The following TTC13 variants were observed in gnomAD, a reference collection of about 807,000 sequenced individuals.
TTC13 encodes tetratricopeptide repeat domain 13, also known as tetratricopeptide repeat protein 13.
In TTC13, 62 loss-of-function variants were observed where a neutral mutation model predicts 120.0. That is an observed-to-expected ratio of 0.52 (90% CI 0.42 to 0.64). TTC13 has a LOEUF of 0.64. Among genes scored for constraint, TTC13 ranks in the 30% least tolerant of loss-of-function variants. TTC13 has a pLI of 0.00. For missense variants in TTC13, 824 were observed against 1,050.2 expected (o/e 0.78, Z 2.98); for synonymous variants, 384 against 393.5 (o/e 0.98, Z 0.28).
At chr1:230,932,141 T>G (rs1194156032) in intron 9 of TTC13, among the ~76,000 whole-genome samples, 1 of 152,094 alleles carries the variant, frequency 6.6e-6, no homozygotes, top group African/African-American at 2.4e-5. Flanking sequence ...TTCAAACCCC[T>G]CTCCTTGATT....
rs1674414318 is a variant in TTC13 at position 230,940,199 on chromosome 1, T to G, written c.789+241A>C. 6.6e-6 allele frequency among the ~76,000 whole-genome samples: 1 copy of G among 152,224 alleles called. No individual in the cohort carries two copies. Among genetic ancestry groups the G allele is most frequent in the South Asian group, 2.1e-4 (1 of 4,834 alleles). ...AAACTAAATTTATCTTTCTCTCTCT[T>G]TTTTTAAATGCCAGTCCAGAATTAG... is the stretch of plus-strand genomic sequence containing the variant. On this transcript the variant is annotated intron_variant, in intron 7 of 22. Coordinates refer to ENST00000366661, the MANE Select transcript of TTC13 (RefSeq NM_024525.5). This position sits in a 1 kb window ranked among gnomAD's most constrained non-coding sequence, Gnocchi z 4.1.
At position 230,931,792 on chromosome 1, in the gene TTC13, G is replaced by A. The variant is rs145064328; in HGVS notation, c.1069C>T (p.Arg357Trp). 8 of 1,613,994 alleles carry A rather than the reference G, an allele frequency of 5.0e-6. No homozygotes were observed. Among genetic ancestry groups the A allele is most frequent in the Admixed American group, 1.7e-5 (1 of 59,988 alleles). Residue 357 changes from arginine (R) to tryptophan (W), a missense_variant, in exon 10 of 23, where the codon CGG (arginine) becomes TGG (tryptophan). By Grantham distance (101) the Arg-to-Trp change is moderately radical. This residue lies in a region of TTC13 where 430 missense variants were observed against 626.8 expected (regional missense o/e 0.69). Coordinates refer to ENST00000366661, the MANE Select transcript of TTC13 (RefSeq NM_024525.5). ...NQNHVQTLQL[R>W]GMMLYHHGSL... is the part of the protein sequence containing the mutation. ...CCGTGGTGGTAGAGCATCATTCCCC[G>A]GAGCTGGAGGGTTTGCACATGATTT... is the stretch of plus-strand genomic sequence containing the variant.
At chr1:230,969,905 C>G (rs1315532440) in intron 1 of TTC13, among the ~76,000 whole-genome samples, 2 of 152,200 alleles carry the variant, frequency 1.3e-5, no homozygotes, top group Non-Finnish European at 2.9e-5. Flanking sequence ...ATTTTTCTAT[C>G]TGCTTTCTTT....
At chr1:230,908,301 C>T in intron 22 of TTC13, 1 of 410,804 alleles carries the variant, frequency 2.4e-6, no homozygotes, top group Admixed American at 2.7e-5. Context: ...GATCCTCTCG[C>T]TTCAGCCTCC....
At chr1:230,929,163 T>C in intron 11 of TTC13, 70 bp from the exon 12 acceptor site, 5 of 1,463,412 alleles carry the variant, frequency 3.4e-6, no homozygotes, top group East Asian at 2.3e-5. Context: ...CTAGCTGCCA[T>C]ACAAATACTT....
At chr1:230,910,031 C>A (rs1671348042) in intron 20 of TTC13, among the ~76,000 whole-genome samples, 2 of 152,080 alleles carry the variant, frequency 1.3e-5, no homozygotes. Flanking sequence ...GTGCTTTTCC[C>A]AAAACAAATC....
At chr1:230,951,262 A>C (rs1024745010) in intron 4 of TTC13, among the ~76,000 whole-genome samples, 7 of 152,200 alleles carry the variant, frequency 4.6e-5, no homozygotes, top group Non-Finnish European at 7.4e-5. Context: ...GAGCTTATCA[A>C]AACAGTGATT....
chr1:230,912,877 G>C, intron 18 of TTC13, 119 bp from the exon 19 acceptor site: 2 of 862,142 alleles, frequency 2.3e-6, no homozygotes, highest in Non-Finnish European at 3.5e-6. Context: ...ATACAAGAAT[G>C]TACCTTACCT....
chr1:230,939,604 C>T (rs572202352), intron 7 of TTC13, 108 bp from the exon 8 acceptor site: 7 of 620,406 alleles, frequency 1.1e-5, no homozygotes, highest in Middle Eastern at 3.5e-4. Context: ...ATCCTCTGCC[C>T]TTTTTGGCTT....
chr1:230,915,416 A>T (rs116546866), intron 18 of TTC13, among the ~76,000 whole-genome samples: 2,189 of 152,224 alleles, frequency 0.014, 47 homozygotes, highest in African/African-American at 0.049. Flanking sequence ...AGGAATATGG[A>T]GGCTGACAGA....
intron 15 of TTC13, among the ~76,000 whole-genome samples, chr1:230,923,101 C>T (rs1036144161): frequency 1.3e-5 from 2 of 152,124 alleles, no homozygotes; most frequent in Middle Eastern, 3.2e-3. Flanking sequence ...AATTCAGCTT[C>T]CTGGAACTAG....
chr1:230,971,589 T>C (rs977334138), intron 1 of TTC13, among the ~76,000 whole-genome samples: 18 of 152,144 alleles, frequency 1.2e-4, no homozygotes, highest in African/African-American at 4.1e-4. Context: ...AGTAAACATA[T>C]AATTAATCCA....
intron 4 of TTC13, among the ~76,000 whole-genome samples, chr1:230,950,761 A>G (rs1675495721): frequency 6.6e-6 from 1 of 152,256 alleles, no homozygotes; most frequent in Admixed American, 6.5e-5. Context: ...TCAAAATCAG[A>G]TGAGCTCAAG....
At chr1:230,968,300 T>TGACGTGAAACA (rs1677347809) in intron 1 of TTC13, among the ~76,000 whole-genome samples, 1 of 151,160 alleles carries the variant, frequency 6.6e-6, no homozygotes, top group South Asian at 2.1e-4. Context: ...ATATGCACAC[T>TGACGTGAAACA]GACCTCCAGA....
chr1:230,968,226 C>T, intron 1 of TTC13, among the ~76,000 whole-genome samples: 1 of 135,940 alleles, frequency 7.4e-6, no homozygotes, highest in East Asian at 2.6e-4. Context: ...AAAAAAAAAA[C>T]ACACATCACA....
At chr1:230,932,352 T>C (rs1009506446) in intron 9 of TTC13, among the ~76,000 whole-genome samples, 2 of 152,086 alleles carry the variant, frequency 1.3e-5, no homozygotes, top group Non-Finnish European at 2.9e-5. Flanking sequence ...TAAATCATTA[T>C]ATAATTTAGA....
chr1:230,938,431 G>A (rs1037001695), intron 8 of TTC13, among the ~76,000 whole-genome samples: 4 of 152,298 alleles, frequency 2.6e-5, no homozygotes, highest in Admixed American at 2.6e-4. Flanking sequence ...TCCCCGCACA[G>A]ACTCGGAACA....
chr1:230,969,427 CT>C (rs1487911340), intron 1 of TTC13, among the ~76,000 whole-genome samples: 1 of 152,138 alleles, frequency 6.6e-6, no homozygotes, highest in Non-Finnish European at 1.5e-5. Context: ...GGTTCTACAT[CT>C]GGGCCATAAA....
intron 4 of TTC13, among the ~76,000 whole-genome samples, chr1:230,951,412 A>G (rs1469860332): frequency 6.6e-6 from 1 of 152,164 alleles, no homozygotes; most frequent in Non-Finnish European, 1.5e-5. Context: ...TAATGAACTC[A>G]AGAAAACCAA....
Sources: allele counts gnomAD v4.1 joint callset (sites outside exome capture counted in the v4.1 genomes callset), GRCh38; gene constraint gnomAD v4.1.1; regional missense constraint gnomAD v4.1.1; non-coding constraint Gnocchi (gnomAD v3.1); transcripts MANE v1.5; gene names NCBI Gene and HGNC (gene_info 2026-07-23, HGNC 2026-07-21).